RPSA2: variants seen among roughly 807,000 people sequenced by gnomAD.
RPSA2 encodes small ribosomal subunit protein uS2B.
the RPSA2 span, among the ~76,000 whole-genome samples, chr19:23,789,667 C>CA: frequency 3.3e-5 from 5 of 151,990 alleles, no homozygotes; most frequent in Admixed American, 3.3e-4. Context: ...TCGGGTGGCA[C>CA]AGACAGTGTC....
At chr19:23,830,830 T>G in the RPSA2 span, among the ~76,000 whole-genome samples, 1 of 152,140 alleles carries the variant, frequency 6.6e-6, no homozygotes, top group African/African-American at 2.4e-5. Flanking sequence ...ATTGCCCTAT[T>G]TTGTATATTT....
the RPSA2 span, among the ~76,000 whole-genome samples, chr19:23,814,094 C>A: frequency 6.6e-6 from 1 of 151,220 alleles, no homozygotes; most frequent in Non-Finnish European, 1.5e-5. Context: ...CGCCTGTAAT[C>A]CCAGCTTCTT....
chr19:23,849,482 A>G, the RPSA2 span, among the ~76,000 whole-genome samples: 1 of 152,224 alleles, frequency 6.6e-6, no homozygotes, highest in Admixed American at 6.5e-5. Context: ...GTGACAACAG[A>G]CAGAAAAGTT....
chr19:23,778,468 C>T, the RPSA2 span, among the ~76,000 whole-genome samples: 1 of 152,150 alleles, frequency 6.6e-6, no homozygotes, highest in Non-Finnish European at 1.5e-5. Context: ...CCCACTTCGG[C>T]CCCCCAGAGT....
At chr19:23,813,679 CAT>C in the RPSA2 span, among the ~76,000 whole-genome samples, 1 of 150,222 alleles carries the variant, frequency 6.7e-6, no homozygotes, top group Non-Finnish European at 1.5e-5. Flanking sequence ...ACATTTATAA[CAT>C]AAAATAATGG....
At chr19:23,854,434 T>C in the RPSA2 span, among the ~76,000 whole-genome samples, 1 of 152,162 alleles carries the variant, frequency 6.6e-6, no homozygotes, top group Admixed American at 6.5e-5. Flanking sequence ...TGGCTGTAGG[T>C]AAATTTGTTT....
the RPSA2 span, among the ~76,000 whole-genome samples, chr19:23,866,585 C>T: frequency 9.4e-5 from 14 of 148,640 alleles, no homozygotes; most frequent in Admixed American, 4.8e-4. Context: ...TTGGGCTCAC[C>T]GATGCCACTC....
chr19:23,834,027 G>A, the RPSA2 span, among the ~76,000 whole-genome samples: 2 of 151,990 alleles, frequency 1.3e-5, no homozygotes, highest in Non-Finnish European at 2.9e-5. Context: ...TTTTGCAGGT[G>A]CAGTAAAGAT....
chr19:23,869,160 G>A, the RPSA2 span, among the ~76,000 whole-genome samples: 2 of 152,266 alleles, frequency 1.3e-5, no homozygotes, highest in East Asian at 3.9e-4. Context: ...ATCGTGATCA[G>A]GGAGCATGGG....
At chr19:23,864,355 A>G in the RPSA2 span, among the ~76,000 whole-genome samples, 2 of 152,228 alleles carry the variant, frequency 1.3e-5, no homozygotes, top group Non-Finnish European at 2.9e-5. Context: ...CTTCACAGGA[A>G]ATATATTCTA....
At chr19:23,844,869 T>A in the RPSA2 span, among the ~76,000 whole-genome samples, 1 of 151,282 alleles carries the variant, frequency 6.6e-6, no homozygotes, top group South Asian at 2.1e-4. Flanking sequence ...TTGGTAGAAT[T>A]TGGCTGTGCA....
At chr19:23,811,382 T>C in the RPSA2 span, among the ~76,000 whole-genome samples, 4 of 152,134 alleles carry the variant, frequency 2.6e-5, no homozygotes, top group Admixed American at 1.3e-4. Flanking sequence ...ATTTTGACTG[T>C]AAGCAATTCT....
At chr19:23,853,804 G>T in the RPSA2 span, among the ~76,000 whole-genome samples, 3 of 152,134 alleles carry the variant, frequency 2.0e-5, no homozygotes, top group Non-Finnish European at 4.4e-5. Context: ...GACCATCAGG[G>T]CCAGTGCAAG....
At chr19:23,788,826 A>G in the RPSA2 span, among the ~76,000 whole-genome samples, 38 of 152,210 alleles carry the variant, frequency 2.5e-4, no homozygotes, top group South Asian at 7.3e-3. Context: ...TCCATATCCT[A>G]TGAAATATGA....
At chr19:23,776,419 T>C in the RPSA2 span, among the ~76,000 whole-genome samples, 2 of 152,136 alleles carry the variant, frequency 1.3e-5, no homozygotes, top group South Asian at 4.1e-4. Flanking sequence ...CAGTGAACAT[T>C]GTGAAATATT....
At chr19:23,837,117 T>A in the RPSA2 span, among the ~76,000 whole-genome samples, 173 of 152,334 alleles carry the variant, frequency 1.1e-3, 1 homozygote, top group African/African-American at 4.1e-3. Flanking sequence ...GTTTCAGGTC[T>A]TAGGTTTAAG....
At chr19:23,758,726 T>G in the RPSA2 span, 4 of 1,614,220 alleles carry the variant, frequency 2.5e-6, no homozygotes, top group Non-Finnish European at 3.4e-6. Flanking sequence ...TCTCTCGGGA[T>G]GTCGGACCCG....
chr19:23,799,174 T>G, the RPSA2 span: 1 of 152,218 alleles, frequency 6.6e-6, no homozygotes, highest in East Asian at 1.9e-4. Context: ...ATTTCAGTTT[T>G]TTCTTAAGAT....
At chr19:23,865,380 C>T in the RPSA2 span, among the ~76,000 whole-genome samples, 28 of 152,186 alleles carry the variant, frequency 1.8e-4, no homozygotes, top group African/African-American at 6.0e-4. Context: ...ACAGGCAGGC[C>T]CTCTTGATGT....
Sources: allele counts gnomAD v4.1 joint callset (sites outside exome capture counted in the v4.1 genomes callset), GRCh38; gene constraint gnomAD v4.1.1; transcripts MANE v1.5; gene names NCBI Gene and HGNC (gene_info 2026-07-23, HGNC 2026-07-21).